IMMP2L: variants seen among roughly 807,000 people sequenced by gnomAD.
The protein encoded by IMMP2L is inner mitochondrial membrane peptidase subunit 2.
A neutral mutation model predicts 19.3 loss-of-function variants in IMMP2L; 18 were observed. The observed-to-expected ratio is 0.93, with a 90% CI of 0.64 to 1.38. The LOEUF (loss-of-function observed/expected upper bound fraction) is 1.38, where lower values mean the gene tolerates loss of function less well. Among genes scored for constraint, IMMP2L ranks in the 40% most tolerant of loss-of-function variants. The probability of loss-of-function intolerance (pLI) is 0.00; values close to 1 mark genes in which losing one functional copy is unlikely to be tolerated. For synonymous variants in IMMP2L, 76 were observed against 73.0 expected, an observed-to-expected ratio of 1.04 and a Z score of -0.21; for missense variants, 233 against 218.2, an observed-to-expected ratio of 1.07 and a Z score of -0.43.
At chr7:110,693,149 G>A (rs527474571) in intron 5 of IMMP2L, among the ~76,000 whole-genome samples, 1 of 152,254 alleles carries the variant, frequency 6.6e-6, no homozygotes, top group African/African-American at 2.4e-5. Context: ...GACAAAGAAT[G>A]AAAATCAAGT....
intron 3 of IMMP2L, among the ~76,000 whole-genome samples, chr7:111,152,288 C>A (rs1804165766): frequency 6.6e-6 from 1 of 152,042 alleles, no homozygotes; most frequent in Non-Finnish European, 1.5e-5. Context: ...CATTCCCCTC[C>A]CTTTGAGCAC....
chr7:111,106,835 C>G (rs889783891), intron 3 of IMMP2L, among the ~76,000 whole-genome samples: 2 of 151,214 alleles, frequency 1.3e-5, no homozygotes, highest in East Asian at 1.9e-4. Flanking sequence ...TTCTTTTCCA[C>G]TGTTCTCAAT....
intron 4 of IMMP2L, 88 bp downstream of exon 4, chr7:110,963,412 T>C: frequency 7.6e-6 from 7 of 920,678 alleles, no homozygotes; most frequent in Admixed American, 4.8e-5. Context: ...TTGGCCCTCA[T>C]GGACTTCAGA....
intron 3 of IMMP2L, among the ~76,000 whole-genome samples, chr7:111,073,661 T>C (rs558817938): frequency 1.3e-5 from 2 of 152,254 alleles, no homozygotes; most frequent in African/African-American, 2.4e-5. Context: ...TTTGAGTACA[T>C]TTTTAGGAGT....
intron 3 of IMMP2L, among the ~76,000 whole-genome samples, chr7:111,186,329 C>T (rs1010048695): frequency 8.5e-5 from 13 of 152,084 alleles, no homozygotes; most frequent in African/African-American, 3.1e-4. Context: ...TATTCATGTC[C>T]TTATGTCTAC....
rs182694817 is a variant in IMMP2L, at chr7:110,870,421, C to T, written c.408+16172G>A. ...TATGAGCCAGCCAGGCACTGTGCTA[C>T]AGCAGTGAACCAAAAGGACAAGGTT... On this transcript the variant is annotated intron_variant, in intron 5 of 5. Coordinates refer to ENST00000405709, the MANE Select transcript of IMMP2L (RefSeq NM_032549.4). This position sits in a 1 kb window ranked among gnomAD's most constrained non-coding sequence, Gnocchi z 4.2. Among the ~76,000 whole-genome samples the T allele has an allele frequency of 2.0e-5, 3 of 152,180 alleles. No homozygotes were observed. Among genetic ancestry groups the T allele is most frequent in the East Asian group, 1.9e-4 (1 of 5,158 alleles).
chr7:110,883,754 A>G (rs1490681979), intron 5 of IMMP2L, among the ~76,000 whole-genome samples: 2 of 152,098 alleles, frequency 1.3e-5, no homozygotes, highest in Admixed American at 1.3e-4. Flanking sequence ...GTGTTAAATA[A>G]ATAAATAATT....
chr7:111,025,498 T>C (rs994311474), intron 3 of IMMP2L, among the ~76,000 whole-genome samples: 3 of 152,190 alleles, frequency 2.0e-5, no homozygotes, highest in African/African-American at 7.2e-5. Flanking sequence ...AATATTTCCA[T>C]CTAAATAAAA....
chr7:111,249,697 G>A (rs1338020897), intron 3 of IMMP2L, among the ~76,000 whole-genome samples: 2 of 152,228 alleles, frequency 1.3e-5, no homozygotes, highest in East Asian at 1.9e-4. Flanking sequence ...AAAGGCCTTT[G>A]GTAAAATTCA....
chr7:110,909,889 GGAGAGA>G (rs71778763), intron 4 of IMMP2L, among the ~76,000 whole-genome samples: 2 of 148,368 alleles, frequency 1.3e-5, no homozygotes, highest in East Asian at 1.9e-4. Flanking sequence ...GTTAAACAGA[GGAGAGA>G]GAGAGAGAGA....
intron 5 of IMMP2L, among the ~76,000 whole-genome samples, chr7:110,875,569 C>T (rs188729585): frequency 2.8e-4 from 42 of 152,134 alleles, no homozygotes; most frequent in African/African-American, 9.6e-4. Flanking sequence ...TTTATATGAA[C>T]AACCCAAATA....
At chr7:111,145,893 A>G (rs1485515496) in intron 3 of IMMP2L, among the ~76,000 whole-genome samples, 1 of 152,126 alleles carries the variant, frequency 6.6e-6, no homozygotes, top group Admixed American at 6.6e-5. Context: ...GGCAAATGCT[A>G]AAAGTCAGCT....
chr7:111,282,546 T>C (rs1820010290), intron 3 of IMMP2L, among the ~76,000 whole-genome samples: 1 of 152,174 alleles, frequency 6.6e-6, no homozygotes, highest in Non-Finnish European at 1.5e-5. Flanking sequence ...AAACAGATGA[T>C]TCAACAATAA....
At chr7:111,445,385 A>T (rs1298927114) in intron 3 of IMMP2L, among the ~76,000 whole-genome samples, 2 of 152,012 alleles carry the variant, frequency 1.3e-5, no homozygotes, top group Admixed American at 6.6e-5. Flanking sequence ...CCCCTTTCCT[A>T]GAAGAATGAA....
chr7:111,402,991 A>ACCCCCCC (rs781654530), intron 3 of IMMP2L, among the ~76,000 whole-genome samples: 601 of 45,462 alleles, frequency 0.013, 2 homozygotes, highest in Non-Finnish European at 0.015. Context: ...TGCAGCCTTG[A>ACCCCCCC]CCCCCCCCCC....
chr7:111,165,437 C>T (rs1805715196), intron 3 of IMMP2L, among the ~76,000 whole-genome samples: 1 of 151,856 alleles, frequency 6.6e-6, no homozygotes, highest in Non-Finnish European at 1.5e-5. Context: ...GATAAATTAC[C>T]AGAAGTGGAA....
intron 3 of IMMP2L, among the ~76,000 whole-genome samples, chr7:111,042,705 G>A (rs1349204796): frequency 6.6e-6 from 1 of 152,174 alleles, no homozygotes; most frequent in Non-Finnish European, 1.5e-5. Flanking sequence ...AGCATGGTCT[G>A]CTCTGCCACA....
chr7:111,493,568 G>T (rs1210176006), intron 2 of IMMP2L, among the ~76,000 whole-genome samples: 1 of 151,782 alleles, frequency 6.6e-6, no homozygotes, highest in African/African-American at 2.4e-5. Context: ...AGCCGGGCGT[G>T]GGGGCGGGCG....
rs1327653466 is a variant in IMMP2L, at chr7:110,939,368, A to T, written c.305+24132T>A. Among the ~76,000 whole-genome samples the T allele has an allele frequency of 2.1e-5, 3 of 143,966 alleles. No individual in the cohort carries two copies. The Admixed American group carries it at 2.1e-4, about 10-fold the overall frequency. The allele number at this position is 143,966 out of a possible 152,430, so 94.4% of individuals were successfully genotyped here. A position where few individuals can be genotyped will look rare whatever the true frequency, so the allele number is the denominator to read the frequency against. On this transcript the variant is annotated intron_variant, in intron 4 of 5. Transcript: ENST00000405709. The stretch of plus-strand genomic sequence containing the variant: ...CATGTTTGGCCAGATTTTTAAAACC[A>T]TTGATCTAATGCAAAATTGCAAAAA...
Sources: allele counts gnomAD v4.1 joint callset (sites outside exome capture counted in the v4.1 genomes callset), GRCh38; gene constraint gnomAD v4.1.1; non-coding constraint Gnocchi (gnomAD v3.1); transcripts MANE v1.5; gene names NCBI Gene and HGNC (gene_info 2026-07-23, HGNC 2026-07-21).